The following LRP1B variants were observed in gnomAD, a reference collection of about 807,000 sequenced individuals.
LRP1B encodes low-density lipoprotein receptor-related protein 1B.
In LRP1B, 217 loss-of-function variants were observed where a neutral mutation model predicts 556.6. The ratio of observed to expected loss-of-function variants is 0.39; its 90% confidence interval spans 0.35 to 0.44. LRP1B has a LOEUF of 0.44. Ranked by LOEUF, LRP1B falls within the 20% of genes least tolerant of loss-of-function variation. The probability of loss-of-function intolerance (pLI) is 1.00; values close to 1 mark genes in which losing one functional copy is unlikely to be tolerated. For missense variants in LRP1B, 5,053 were observed against 5,620.8 expected (o/e 0.90, Z 3.23); for synonymous variants, 2,047 against 1,865.8 (o/e 1.10, Z -2.50).
chr2:140,598,092 G>C (rs1682513885), intron 43 of LRP1B, among the ~76,000 whole-genome samples: 1 of 152,164 alleles, frequency 6.6e-6, no homozygotes, highest in Admixed American at 6.5e-5. Flanking sequence ...CCTGCTGTAA[G>C]TGCTCTCAAG....
chr2:140,357,020 G>T (rs1682255069), intron 74 of LRP1B, among the ~76,000 whole-genome samples: 1 of 151,808 alleles, frequency 6.6e-6, no homozygotes, highest in East Asian at 1.9e-4. Flanking sequence ...TGCTCATAAT[G>T]GTTGGTCATA....
At chr2:140,878,408 C>T (rs1290007453) in intron 25 of LRP1B, among the ~76,000 whole-genome samples, 7 of 151,718 alleles carry the variant, frequency 4.6e-5, no homozygotes, top group African/African-American at 1.7e-4. Flanking sequence ...AAATTAATCA[C>T]AAAATAATAC....
Position 141,480,528 on chromosome 2 carries a change from C to T in LRP1B, c.211G>A (p.Glu71Lys), listed in dbSNP as rs145250710. ...DSDESLDTCP[E>K]EVEIKCPLNH... ...AAGGGGCACTTGATTTCTACCTCCT[C>T]GGGACCTGAAAAGATGTAAAAAAGA... is the stretch of plus-strand genomic sequence containing the variant. Residue 71 changes from glutamate (E) to lysine (K), a missense_variant, in exon 3 of 91, where the codon GAG becomes AAG. Physicochemically the swap from Glu to Lys is moderately conservative, Grantham distance 56. Coordinates refer to ENST00000389484, the MANE Select transcript of LRP1B (RefSeq NM_018557.3). 71 of 1,613,600 alleles carry T rather than the reference C, an allele frequency of 4.4e-5. No homozygotes were observed. The highest frequency in any genetic ancestry group is 2.9e-4 in the African/African-American group (22 of 74,874).
intron 35 of LRP1B, among the ~76,000 whole-genome samples, chr2:140,751,951 G>T (rs1452083475): frequency 6.6e-6 from 1 of 152,148 alleles, no homozygotes; most frequent in Non-Finnish European, 1.5e-5. Context: ...ATAATAACAG[G>T]TGGAGAGCTT....
chr2:141,076,129 T>G (rs1699779718), intron 7 of LRP1B, among the ~76,000 whole-genome samples: 1 of 152,222 alleles, frequency 6.6e-6, no homozygotes, highest in Non-Finnish European at 1.5e-5. Context: ...TATCTAAATT[T>G]GTTGGTTTAG....
chr2:141,895,083 A>C (rs1282351431), intron 1 of LRP1B, among the ~76,000 whole-genome samples: 2 of 151,838 alleles, frequency 1.3e-5, no homozygotes, highest in Non-Finnish European at 2.9e-5. Context: ...AAAAACAAGA[A>C]AGCCTAACTT....
chr2:141,743,145 G>C (rs1050640199), intron 2 of LRP1B, among the ~76,000 whole-genome samples: 1 of 151,824 alleles, frequency 6.6e-6, no homozygotes, highest in East Asian at 1.9e-4. Context: ...TATCATGAAG[G>C]GATGTTGAAT....
intron 15 of LRP1B, among the ~76,000 whole-genome samples, chr2:141,004,254 T>A (rs1251613688): frequency 6.6e-6 from 1 of 152,078 alleles, no homozygotes; most frequent in Non-Finnish European, 1.5e-5. Flanking sequence ...TAGGACTATC[T>A]GTTAGAGTGC....
chr2:141,480,556 A>G (rs2105090552), intron 2 of LRP1B, 23 bp from the exon 3 acceptor site: 1 of 1,613,138 alleles, frequency 6.2e-7, no homozygotes, highest in Non-Finnish European at 8.5e-7. Flanking sequence ...AAAAAAGAAC[A>G]GAATTATGTG....
chr2:140,858,746 C>G (rs973600391), intron 27 of LRP1B, among the ~76,000 whole-genome samples: 11 of 152,042 alleles, frequency 7.2e-5, no homozygotes, highest in Non-Finnish European at 1.3e-4. Context: ...ATCCCCACCC[C>G]TCGACAGGCC....
At chr2:141,430,789 G>A (rs1680532493) in intron 3 of LRP1B, among the ~76,000 whole-genome samples, 1 of 152,068 alleles carries the variant, frequency 6.6e-6, no homozygotes, top group Admixed American at 6.6e-5. Context: ...AGGTGCTGTT[G>A]TGAAGGGATT....
At chr2:140,993,469 T>A (rs1338321805) in intron 16 of LRP1B, among the ~76,000 whole-genome samples, 3 of 152,028 alleles carry the variant, frequency 2.0e-5, no homozygotes, top group African/African-American at 7.2e-5. Context: ...GAGGGGAAAG[T>A]CAAACATTGA....
intron 24 of LRP1B, among the ~76,000 whole-genome samples, chr2:140,885,612 A>C: frequency 6.6e-6 from 1 of 151,992 alleles, no homozygotes; most frequent in East Asian, 1.9e-4. Flanking sequence ...CGGCCTCCCA[A>C]TGTGCTGGGA....
At chr2:140,639,520 T>C (rs539610003) in intron 41 of LRP1B, among the ~76,000 whole-genome samples, 116 of 152,300 alleles carry the variant, frequency 7.6e-4, no homozygotes, top group Middle Eastern at 3.4e-3. Flanking sequence ...TTCATTCGAA[T>C]AGGTCAATTA....
Position 141,398,981 on chromosome 2 carries a change from C to T in LRP1B, c.343+81415G>A, listed in dbSNP as rs371569143. Among the ~76,000 whole-genome samples, 6 of 152,104 alleles carry T rather than the reference C, an allele frequency of 3.9e-5. No homozygotes were observed. In the East Asian group the frequency reaches 9.6e-4, roughly 24 times the overall value. On this transcript the variant is annotated intron_variant, in intron 3 of 90. Coordinates refer to ENST00000389484, the MANE Select transcript of LRP1B (RefSeq NM_018557.3). ...TGTAAAAAGCCAAATTCCGACTGGG[C>T]GCAGTGGCTTATGCCTGTAATCCCA...
At chr2:140,952,145 C>A (rs565116401) in intron 18 of LRP1B, among the ~76,000 whole-genome samples, 1 of 152,086 alleles carries the variant, frequency 6.6e-6, no homozygotes, top group Non-Finnish European at 1.5e-5. Context: ...TGAGTGCTTT[C>A]CAGTGACTGA....
intron 1 of LRP1B, among the ~76,000 whole-genome samples, chr2:142,025,137 A>T (rs1326549863): frequency 6.6e-6 from 1 of 152,010 alleles, no homozygotes; most frequent in East Asian, 1.9e-4. Context: ...TTATCTTGTC[A>T]TCTAACTCTC....
At chr2:140,488,693 T>C (rs1339531368) in intron 57 of LRP1B, among the ~76,000 whole-genome samples, 5 of 152,028 alleles carry the variant, frequency 3.3e-5, no homozygotes, top group Non-Finnish European at 7.4e-5. Context: ...GATTAGAAAA[T>C]AATGTTATAG....
chr2:141,173,888 T>C (rs1421574903), intron 7 of LRP1B, among the ~76,000 whole-genome samples: 1 of 152,084 alleles, frequency 6.6e-6, no homozygotes, highest in Non-Finnish European at 1.5e-5. Context: ...AAAGATGAGA[T>C]TCATGTTAGT....
Sources: gnomAD v4.1 joint callset for allele counts (sites outside exome capture counted in the v4.1 genomes callset) on GRCh38, gnomAD v4.1.1 for gene constraint, MANE v1.5 for transcripts, NCBI Gene and HGNC (gene_info 2026-07-23, HGNC 2026-07-21) for gene names.